Variants in PTPRK observed in about 807,000 individuals in gnomAD.
PTPRK encodes receptor-type tyrosine-protein phosphatase kappa.
In PTPRK, 75 loss-of-function variants were observed where a neutral mutation model predicts 178.0. The observed-to-expected ratio is 0.42, with a 90% CI of 0.35 to 0.51. The LOEUF (loss-of-function observed/expected upper bound fraction) is 0.51. Among genes scored for constraint, PTPRK ranks in the 20% least tolerant of loss-of-function variants. The pLI is 0.02. For synonymous variants in PTPRK, 637 were observed against 620.6 expected (o/e 1.03, Z -0.39); for missense variants, 1,441 against 1,797.8 (o/e 0.80, Z 3.59).
Position 128,005,117 on chromosome 6 carries a change from T to C in PTPRK, c.2461A>G (p.Thr821Ala). The change falls in exon 15 of 30, where the codon ACC becomes GCC. Residue 821 changes from threonine (T) to alanine (A), a missense_variant. Physicochemically the swap from Thr to Ala is moderately conservative, Grantham distance 58 (BLOSUM62 0). Transcript: ENST00000368226. Reference protein sequence around the residue: ...TLHAEDPLSITFMDQHNFSPR... With the variant: ...TLHAEDPLSIAFMDQHNFSPR... ...CTAAAGTTATGTTGGTCCATGAAGGTGATGGAAAGAGGATCTTCTGCATGC... is the reference window on the plus strand; with the variant it reads ...CTAAAGTTATGTTGGTCCATGAAGGCGATGGAAAGAGGATCTTCTGCATGC... The C allele has an allele frequency of 6.2e-7, 1 of 1,610,476 alleles. No individual in the cohort carries two copies. The highest frequency in any genetic ancestry group is 1.3e-5 in the African/African-American group (1 of 74,788).
At chr6:128,472,707 A>G (rs756711443) in intron 1 of PTPRK, 1 of 355,884 alleles carries the variant, frequency 2.8e-6, no homozygotes, top group South Asian at 2.3e-5. Flanking sequence ...TATATTTCCA[A>G]CTGTAACAAT....
intron 1 of PTPRK, among the ~76,000 whole-genome samples, chr6:128,443,698 A>G (rs753035203): frequency 6.6e-6 from 1 of 152,232 alleles, no homozygotes; most frequent in Non-Finnish European, 1.5e-5. Context: ...TCACTAACTG[A>G]GTCAAAGCCA....
intron 5 of PTPRK, among the ~76,000 whole-genome samples, chr6:128,232,317 A>C (rs1812441293): frequency 6.6e-6 from 1 of 152,246 alleles, no homozygotes. Flanking sequence ...CTTATCTCTG[A>C]AACAGTACAG....
chr6:128,205,777 C>CAAAAAAAAAAA (rs57003128), intron 6 of PTPRK, among the ~76,000 whole-genome samples: 8 of 15,220 alleles, frequency 5.3e-4, no homozygotes, highest in East Asian at 1.8e-3. Flanking sequence ...CATCACAGAC[C>CAAAAAAAAAAA]AAAAAAAAAA....
intron 2 of PTPRK, among the ~76,000 whole-genome samples, chr6:128,375,594 G>A (rs1040455862): frequency 4.6e-5 from 7 of 151,882 alleles, no homozygotes; most frequent in East Asian, 1.9e-4. Context: ...CGGCCCCTCC[G>A]AAATCTCATA....
At chr6:128,372,263 C>T (rs1227371570) in intron 2 of PTPRK, among the ~76,000 whole-genome samples, 2 of 152,088 alleles carry the variant, frequency 1.3e-5, no homozygotes, top group African/African-American at 4.8e-5. Flanking sequence ...GAATGGACTT[C>T]AAAAGCATGG....
At chr6:128,493,273 C>T (rs981918945) in intron 1 of PTPRK, among the ~76,000 whole-genome samples, 4 of 152,132 alleles carry the variant, frequency 2.6e-5, no homozygotes, top group Non-Finnish European at 4.4e-5. Flanking sequence ...ATGTACCCCC[C>T]GCTAACTGGC....
chr6:128,160,530 T>A (rs1297568809), intron 7 of PTPRK, among the ~76,000 whole-genome samples: 1 of 151,632 alleles, frequency 6.6e-6, no homozygotes, highest in Non-Finnish European at 1.5e-5. Flanking sequence ...ACTGAGGAGG[T>A]AGATCAGTAG....
chr6:128,348,854 C>A (rs533441317), intron 2 of PTPRK, among the ~76,000 whole-genome samples: 1 of 152,004 alleles, frequency 6.6e-6, no homozygotes, highest in African/African-American at 2.4e-5. Flanking sequence ...GAAAAATAAT[C>A]ACTAATTTGG....
chr6:128,369,249 T>C (rs1378485843), intron 2 of PTPRK, among the ~76,000 whole-genome samples: 1 of 149,234 alleles, frequency 6.7e-6, no homozygotes, highest in Non-Finnish European at 1.5e-5. Context: ...CAGTAATGAT[T>C]ATAGAGAGTG....
chr6:128,237,647 T>C (rs570405694), intron 5 of PTPRK, among the ~76,000 whole-genome samples: 1 of 152,266 alleles, frequency 6.6e-6, no homozygotes, highest in Non-Finnish European at 1.5e-5. Flanking sequence ...ATGAAATCTC[T>C]AAGGCCACTG....
intron 1 of PTPRK, among the ~76,000 whole-genome samples, chr6:128,498,037 G>C (rs1468043155): frequency 2.0e-5 from 3 of 151,474 alleles, no homozygotes; most frequent in African/African-American, 7.3e-5. Context: ...TGTCTGAGTT[G>C]TAAAAAAAAA....
In PTPRK at chr6:128,333,617, A is replaced by G. The variant is rs79463528; in HGVS notation, c.224-11307T>C. 7.6e-3 allele frequency among the ~76,000 whole-genome samples: 1,158 copies of G among 152,264 alleles called. 14 individuals carry two copies. Among genetic ancestry groups the G allele is most frequent in the African/African-American group, 0.027 (1,118 of 41,522 alleles). ...TTTGCTAGTAGAGGGTCTTGCCTCA[A>G]TGTTGAGGGCCTTGCTCTGGATTAG... On this transcript the variant is annotated intron_variant, in intron 2 of 29. Coordinates refer to ENST00000368226, the MANE Select transcript of PTPRK (RefSeq NM_002844.4).
intron 1 of PTPRK, among the ~76,000 whole-genome samples, chr6:128,511,969 C>CT (rs1857258638): frequency 6.6e-6 from 1 of 152,140 alleles, no homozygotes; most frequent in South Asian, 2.1e-4. Flanking sequence ...TTTGCAATTG[C>CT]TTTAGGAAAA....
chr6:128,318,478 T>C (rs1828343603), intron 3 of PTPRK, among the ~76,000 whole-genome samples: 1 of 152,218 alleles, frequency 6.6e-6, no homozygotes, highest in Non-Finnish European at 1.5e-5. Flanking sequence ...AAAAGTTGTG[T>C]TTGTTTCTCC....
chr6:128,225,227 T>C (rs1367944871), intron 5 of PTPRK, among the ~76,000 whole-genome samples: 2 of 152,180 alleles, frequency 1.3e-5, no homozygotes, highest in African/African-American at 4.8e-5. Flanking sequence ...TTGACTTTCA[T>C]ATATCATTGA....
chr6:128,013,358 T>C (rs899456495), intron 13 of PTPRK, among the ~76,000 whole-genome samples: 1 of 151,530 alleles, frequency 6.6e-6, no homozygotes, highest in Non-Finnish European at 1.5e-5. Flanking sequence ...TGATAACTGA[T>C]CACTCTCTAA....
intron 2 of PTPRK, among the ~76,000 whole-genome samples, chr6:128,349,662 A>G (rs1326603361): frequency 6.6e-6 from 1 of 152,122 alleles, no homozygotes; most frequent in Non-Finnish European, 1.5e-5. Flanking sequence ...TAAAAAAATC[A>G]TTGTGTCATA....
At chr6:128,215,767 C>G (rs190015862) in intron 6 of PTPRK, among the ~76,000 whole-genome samples, 54 of 152,188 alleles carry the variant, frequency 3.5e-4, no homozygotes, top group African/African-American at 1.3e-3. Context: ...TCTTTGACAA[C>G]AGGCAATACC....
Sources: gnomAD v4.1 joint callset for allele counts (sites outside exome capture counted in the v4.1 genomes callset) on GRCh38, gnomAD v4.1.1 for gene constraint, MANE v1.5 for transcripts, NCBI Gene and HGNC (gene_info 2026-07-23, HGNC 2026-07-21) for gene names.